Variants in SH3BP4 observed in about 807,000 individuals in gnomAD.
The protein encoded by SH3BP4 is SH3 domain binding protein 4.
A neutral mutation model predicts 65.5 loss-of-function variants in SH3BP4; 33 were observed. The observed-to-expected ratio is 0.50, with a 90% CI of 0.38 to 0.67. SH3BP4 has a LOEUF of 0.67. Ranked by LOEUF, SH3BP4 falls within the 30% of genes least tolerant of loss-of-function variation. The pLI, the probability that SH3BP4 is intolerant of heterozygous loss-of-function variation, is 0.00. For synonymous variants in SH3BP4, 552 were observed against 545.5 expected, an observed-to-expected ratio of 1.01 and a Z score of -0.17; for missense variants, 1,134 against 1,261.4, an observed-to-expected ratio of 0.90 and a Z score of 1.53.
chr2:234,959,088 A>G lies in SH3BP4; in HGVS notation c.-207+6918A>G, dbSNP rs530670439. On this transcript the variant is annotated intron_variant, in intron 1 of 5. Transcript: ENST00000392011. ...CCCAAATGCTTTCTCAGATCATAAC[A>G]TCTGCAACTTTTTCCCACTAGCCTT... 1.6e-3 allele frequency among the ~76,000 whole-genome samples: 249 copies of G among 152,132 alleles called. 1 individual carries two copies. The highest frequency in any genetic ancestry group is 2.5e-3 in the Non-Finnish European group (173 of 68,022).
chr2:235,008,622 G>T (rs2106292552), intron 2 of SH3BP4: 1 of 152,232 alleles, frequency 6.6e-6, no homozygotes, highest in South Asian at 2.1e-4. Flanking sequence ...TCTGGCTCTG[G>T]ATCACTCTTG....
chr2:235,054,116 A>AT lies in SH3BP4; in HGVS notation c.*307dup, dbSNP rs1343816439. On this transcript the variant is annotated 3_prime_UTR_variant, in exon 6 of 6. Transcript: ENST00000392011. ...GGATCTATGAGAAAGGTGGTATCTA[A>AT]TTTTTTTATGGACCATAAAGGTTTA... The AT allele has an allele frequency of 6.1e-6, 2 of 327,166 alleles. No individual in the cohort carries two copies. Among genetic ancestry groups the AT allele is most frequent in the Non-Finnish European group, 1.1e-5 (2 of 177,354 alleles). 20.3% of individuals were successfully genotyped at this position (327,166 alleles called of 1,614,324 possible).
At chr2:234,960,524 A>G (rs1023397116) in intron 1 of SH3BP4, among the ~76,000 whole-genome samples, 1 of 152,204 alleles carries the variant, frequency 6.6e-6, no homozygotes, top group Non-Finnish European at 1.5e-5. Context: ...CTGGCTAGTC[A>G]TCACAAACAG....
intron 2 of SH3BP4, among the ~76,000 whole-genome samples, chr2:235,019,205 G>T (rs908141302): frequency 6.6e-6 from 1 of 152,178 alleles, no homozygotes; most frequent in Admixed American, 6.5e-5. Context: ...TTGTTGGTGG[G>T]TGGGTGGAGG....
At chr2:235,038,299 T>TATATAC (rs1417284927) in intron 3 of SH3BP4, among the ~76,000 whole-genome samples, 11 of 11,776 alleles carry the variant, frequency 9.3e-4, no homozygotes, top group African/African-American at 6.4e-3. Flanking sequence ...AATATATATA[T>TATATAC]TATATATATA....
At chr2:235,019,873 T>TAAAAA (rs199714068) in intron 2 of SH3BP4, among the ~76,000 whole-genome samples, 2 of 112,600 alleles carry the variant, frequency 1.8e-5, no homozygotes, top group African/African-American at 6.8e-5. Flanking sequence ...TAAAGATTCT[T>TAAAAA]AAAAAAAAAA....
intron 2 of SH3BP4, among the ~76,000 whole-genome samples, chr2:235,001,922 G>A (rs983059801): frequency 7.2e-5 from 11 of 152,000 alleles, no homozygotes; most frequent in South Asian, 2.1e-4. Context: ...GTGCGGTGGC[G>A]CAATCTCACC....
chr2:234,989,235 G>A (rs1336065524), intron 1 of SH3BP4, among the ~76,000 whole-genome samples: 1 of 152,162 alleles, frequency 6.6e-6, no homozygotes, highest in African/African-American at 2.4e-5. Context: ...GTGCGAACCC[G>A]AAGCTGTAGG....
intron 1 of SH3BP4, among the ~76,000 whole-genome samples, chr2:234,954,125 C>T (rs929675444): frequency 6.6e-6 from 1 of 151,858 alleles, no homozygotes; most frequent in Non-Finnish European, 1.5e-5. Context: ...GAACAATGAC[C>T]GGCTGCGGAG....
chr2:235,036,357 C>T (rs1039477812), intron 3 of SH3BP4, among the ~76,000 whole-genome samples: 5 of 152,134 alleles, frequency 3.3e-5, no homozygotes, highest in Non-Finnish European at 5.9e-5. Context: ...TACTTTATAG[C>T]CCAACTCATC....
Position 234,967,156 on chromosome 2 carries a change from A to G in SH3BP4, c.-207+14986A>G, listed in dbSNP as rs1015465093. Among the ~76,000 whole-genome samples the G allele has an allele frequency of 2.0e-5, 3 of 152,096 alleles. No individual in the cohort carries two copies. The highest frequency in any genetic ancestry group is 7.2e-5 in the African/African-American group (3 of 41,418). ...GTTTAGGGACTTGTGTGAGCTGGGA[A>G]GTGCAGAAGCCAGGAGTTAAGTCCA... On this transcript the variant is annotated intron_variant, in intron 1 of 5. Transcript: ENST00000392011. The surrounding 1 kb of genome is among the most constrained non-coding windows in gnomAD (Gnocchi z 4.6).
At chr2:235,032,814 C>T (rs1024292411) in intron 2 of SH3BP4, among the ~76,000 whole-genome samples, 1 of 152,114 alleles carries the variant, frequency 6.6e-6, no homozygotes, top group Non-Finnish European at 1.5e-5. Flanking sequence ...CCGTCACTGC[C>T]AGCCAGGGAG....
chr2:235,023,119 A>G (rs1694894760), intron 2 of SH3BP4, among the ~76,000 whole-genome samples: 1 of 152,192 alleles, frequency 6.6e-6, no homozygotes, highest in Non-Finnish European at 1.5e-5. Flanking sequence ...ATTAGTACAC[A>G]ATTAGAGGTG....
At chr2:234,969,099 G>C (rs1692911797) in intron 1 of SH3BP4, among the ~76,000 whole-genome samples, 1 of 152,194 alleles carries the variant, frequency 6.6e-6, no homozygotes, top group South Asian at 2.1e-4. Flanking sequence ...TCTCAGCCCA[G>C]GGCTACTTCC....
At chr2:235,037,709 T>C (rs2106327668) in intron 3 of SH3BP4, among the ~76,000 whole-genome samples, 1 of 152,272 alleles carries the variant, frequency 6.6e-6, no homozygotes, top group South Asian at 2.1e-4. Context: ...TCCAGTAGAT[T>C]GTGTCAAGGA....
At chr2:234,958,665 C>T (rs1220733522) in intron 1 of SH3BP4, among the ~76,000 whole-genome samples, 2 of 151,296 alleles carry the variant, frequency 1.3e-5, no homozygotes, top group African/African-American at 4.9e-5. Context: ...CCCTGCGGGG[C>T]CCTGAAGTCA....
Position 235,045,062 on chromosome 2 carries a change from C to T in SH3BP4, c.2478+1815C>T, listed in dbSNP as rs1283046094. 2.0e-5 allele frequency among the ~76,000 whole-genome samples: 3 copies of T among 152,214 alleles called. No homozygotes were observed. The highest frequency in any genetic ancestry group is 3.9e-4 in the East Asian group (2 of 5,176). On this transcript the variant is annotated intron_variant, in intron 4 of 5. Coordinates refer to ENST00000392011, the MANE Select transcript of SH3BP4 (RefSeq NM_014521.3). This position sits in a 1 kb window ranked among gnomAD's most constrained non-coding sequence, Gnocchi z 4.3. ...CCTGCGTCCCTCCCATCAGCCATCA[C>T]CCATGTGTGATTCAGAGCACACCTC...
chr2:235,016,569 G>A (rs536832014), intron 2 of SH3BP4, among the ~76,000 whole-genome samples: 12 of 152,152 alleles, frequency 7.9e-5, no homozygotes, highest in South Asian at 2.1e-4. Context: ...GTACAGTGGC[G>A]TAATCTCGGC....
At chr2:235,019,212 G>C (rs945478808) in intron 2 of SH3BP4, among the ~76,000 whole-genome samples, 1 of 152,132 alleles carries the variant, frequency 6.6e-6, no homozygotes, top group African/African-American at 2.4e-5. Context: ...TGGGTGGGTG[G>C]AGGGAGTGGA....
Sources: allele counts gnomAD v4.1 joint callset (sites outside exome capture counted in the v4.1 genomes callset), GRCh38; gene constraint gnomAD v4.1.1; non-coding constraint Gnocchi (gnomAD v3.1); transcripts MANE v1.5; gene names NCBI Gene and HGNC (gene_info 2026-07-23, HGNC 2026-07-21).